KIZ: variants seen among roughly 807,000 people sequenced by gnomAD.
KIZ encodes centrosomal protein kizuna.
KIZ carries 68 observed loss-of-function variants against 79.6 expected under a neutral mutation model. The ratio of observed to expected loss-of-function variants is 0.85; its 90% CI spans 0.70 to 1.05. KIZ has a LOEUF of 1.05. Ranked by LOEUF, KIZ falls within the 50% of genes least tolerant of loss-of-function variation. KIZ has a pLI of 0.00. For missense variants in KIZ, 797 were observed against 800.4 expected, an observed-to-expected ratio of 1.00 and a Z score of 0.05; for synonymous variants, 280 against 281.8, an observed-to-expected ratio of 0.99 and a Z score of 0.06.
chr20:21,136,553 G>T lies in KIZ; in HGVS notation c.315+1G>T. 6.5e-7 allele frequency: 1 copy of T among 1,536,832 alleles called. No individual in the cohort carries two copies. The highest frequency in any genetic ancestry group is 8.7e-7 in the Non-Finnish European group (1 of 1,145,044). ...TACAGAGAAGCTTCAAAAACTGAAG[G>T]TGACTTCCTGTTTTTTACTGTGTTT... On this transcript the variant is annotated splice_donor_variant, in intron 3 of 12. Transcript: ENST00000619189. LOFTEE classifies it high-confidence loss of function.
At chr20:21,182,564 G>A (rs930272115) in intron 6 of KIZ, among the ~76,000 whole-genome samples, 1 of 152,166 alleles carries the variant, frequency 6.6e-6, no homozygotes, top group South Asian at 2.1e-4. Context: ...GGGAAGCCAA[G>A]GTGGGCGGAT....
At chr20:21,219,112 G>A (rs1011483896) in intron 9 of KIZ, among the ~76,000 whole-genome samples, 21 of 152,152 alleles carry the variant, frequency 1.4e-4, no homozygotes, top group Non-Finnish European at 2.1e-4. Context: ...AGAATGAGGG[G>A]GTCCTGGGGA....
intron 1 of KIZ, among the ~76,000 whole-genome samples, chr20:21,126,435 C>G (rs2031476841): frequency 1.3e-5 from 2 of 152,168 alleles, no homozygotes; most frequent in Non-Finnish European, 2.9e-5. Context: ...CCGTCAATAG[C>G]AGCTAAAGCC....
At position 21,141,914 on chromosome 20, in the gene KIZ, T is replaced by TC. The variant is rs556412901; in HGVS notation, c.316-3645dup. Among the ~76,000 whole-genome samples, 212 of 148,862 alleles carry TC rather than the reference T, an allele frequency of 1.4e-3. 1 individual carries two copies. The highest frequency in any genetic ancestry group is 2.6e-3 in the Non-Finnish European group (178 of 67,254). ...TTTTTCTCCTCATCTCTCCCTAATT[T>TC]CCCCCCTCCACCTTCTCCTGCCATC... On this transcript the variant is annotated intron_variant, in intron 3 of 12. Transcript: ENST00000619189.
At chr20:21,243,181 C>G (rs2037277176) in intron 11 of KIZ, among the ~76,000 whole-genome samples, 2 of 152,018 alleles carry the variant, frequency 1.3e-5, no homozygotes, top group African/African-American at 4.8e-5. Context: ...TAGGGGTCTT[C>G]CATGCTTCAT....
chr20:21,241,823 T>A (rs1317397413), intron 11 of KIZ, among the ~76,000 whole-genome samples: 1 of 152,272 alleles, frequency 6.6e-6, no homozygotes, highest in Non-Finnish European at 1.5e-5. Flanking sequence ...TGTTCTCATG[T>A]GTCTGTGTTT....
chr20:21,173,445 G>A (rs1472593443), intron 6 of KIZ, among the ~76,000 whole-genome samples: 1 of 152,046 alleles, frequency 6.6e-6, no homozygotes, highest in Non-Finnish European at 1.5e-5. Flanking sequence ...GGGTGTGGTG[G>A]CGGGTGCCTG....
intron 12 of KIZ, chr20:21,245,879 C>T (rs2037371656): frequency 6.6e-6 from 1 of 152,444 alleles, no homozygotes; most frequent in Non-Finnish European, 1.5e-5. Context: ...TGCAGTCTCT[C>T]AGGGGGCCCC....
intron 2 of KIZ, chr20:21,133,159 A>C (rs2031959486): frequency 6.6e-6 from 1 of 152,240 alleles, no homozygotes; most frequent in Admixed American, 6.5e-5. Context: ...CATCCAGAAG[A>C]GAGAGAGGCC....
chr20:21,153,259 C>G (rs770098170), intron 4 of KIZ, among the ~76,000 whole-genome samples: 10 of 152,106 alleles, frequency 6.6e-5, no homozygotes, highest in Non-Finnish European at 1.3e-4. Flanking sequence ...ACTAGGGTAG[C>G]CTTACTTTGA....
intron 7 of KIZ, among the ~76,000 whole-genome samples, chr20:21,205,991 A>G (rs116982394): frequency 1.2e-3 from 188 of 151,820 alleles, no homozygotes; most frequent in Non-Finnish European, 2.1e-3. Context: ...TATTCATTTG[A>G]GGAAATGTTA....
chr20:21,172,168 C>T (rs940606919), intron 6 of KIZ, among the ~76,000 whole-genome samples: 3 of 152,084 alleles, frequency 2.0e-5, no homozygotes, highest in African/African-American at 4.8e-5. Context: ...CTATAGATAA[C>T]GAGAAAAGGG....
rs1487969116 is a variant in KIZ at position 21,145,658 on chromosome 20, ATAAAC to A, written c.405+9_405+13del. ...GACAGATGAAGACAGAGAAAAGGTAATAAACTAAATTGGTAACCTTTCTGTTAACA... is the reference window on the plus strand; with the variant it reads ...GACAGATGAAGACAGAGAAAAGGTAATAAATTGGTAACCTTTCTGTTAACA... On this transcript the variant is annotated splice_donor_5th_base_variant and intron_variant, in intron 4 of 12. Coordinates refer to ENST00000619189, the MANE Select transcript of KIZ (RefSeq NM_018474.6). 5.2e-6 allele frequency: 7 copies of A among 1,341,390 alleles called. No individual in the cohort carries two copies. Among genetic ancestry groups the A allele is most frequent in the Non-Finnish European group, 7.2e-6 (7 of 975,526 alleles). 83.1% of individuals were successfully genotyped at this position (1,341,390 alleles called of 1,614,324 possible). A position where few individuals can be genotyped will look rare whatever the true frequency, so the allele number is the denominator to read the frequency against.
intron 6 of KIZ, among the ~76,000 whole-genome samples, chr20:21,167,752 G>A (rs1403447892): frequency 1.3e-5 from 2 of 151,758 alleles, no homozygotes; most frequent in African/African-American, 4.8e-5. Flanking sequence ...ATAGAGATGG[G>A]GTTTTACCAT....
chr20:21,129,997 C>T (rs2031735780), intron 1 of KIZ, among the ~76,000 whole-genome samples: 1 of 152,242 alleles, frequency 6.6e-6, no homozygotes, highest in East Asian at 1.9e-4. Context: ...TGTGTGTTTC[C>T]AAAAGCCAAG....
chr20:21,172,371 G>A (rs1323958711), intron 6 of KIZ, among the ~76,000 whole-genome samples: 1 of 152,206 alleles, frequency 6.6e-6, no homozygotes, highest in African/African-American at 2.4e-5. Context: ...AGGAGGCTGA[G>A]GCGAATGGAT....
intron 7 of KIZ, among the ~76,000 whole-genome samples, chr20:21,212,040 G>A (rs1235603066): frequency 1.3e-5 from 2 of 152,198 alleles, no homozygotes; most frequent in Non-Finnish European, 2.9e-5. Context: ...AATGAGCCAA[G>A]ATCCCGCCAC....
intron 2 of KIZ, 132 bp downstream of exon 2, chr20:21,132,291 G>A (rs2031901957): frequency 1.8e-6 from 1 of 561,750 alleles, no homozygotes; most frequent in Non-Finnish European, 3.1e-6. Context: ...TAGTTTTTTT[G>A]AGATGGAGTC....
intron 1 of KIZ, among the ~76,000 whole-genome samples, chr20:21,130,848 G>T (rs774398528): frequency 1.3e-5 from 2 of 152,146 alleles, no homozygotes; most frequent in Admixed American, 6.5e-5. Flanking sequence ...TAAAGGAAAA[G>T]AACTATTCTG....
Sources: allele counts gnomAD v4.1 joint callset (sites outside exome capture counted in the v4.1 genomes callset), GRCh38; gene constraint gnomAD v4.1.1; transcripts MANE v1.5; gene names NCBI Gene and HGNC (gene_info 2026-07-23, HGNC 2026-07-21).